The following PSMA1 variants were observed in gnomAD, a reference collection of about 807,000 sequenced individuals.
The protein encoded by PSMA1 is proteasome subunit alpha type-1.
Under a neutral mutation model 38.4 loss-of-function variants are expected in PSMA1, and 3 were observed. The ratio of observed to expected loss-of-function variants is 0.08; its 90% CI spans 0.04 to 0.20. The LOEUF is 0.20. Among genes scored for constraint, PSMA1 ranks in the 10% least tolerant of loss-of-function variants. The probability of loss-of-function intolerance (pLI) is 1.00; values close to 1 mark genes in which losing one functional copy is unlikely to be tolerated. For missense variants in PSMA1, 227 were observed against 325.3 expected (o/e 0.70, Z 2.32); for synonymous variants, 101 against 107.1 (o/e 0.94, Z 0.35).
At chr11:14,631,242 T>A (rs540600558) in intron 1 of PSMA1, among the ~76,000 whole-genome samples, 20 of 152,344 alleles carry the variant, frequency 1.3e-4, no homozygotes, top group African/African-American at 4.6e-4. Context: ...TTTCTAGTTC[T>A]TTTAATTGTG....
intron 1 of PSMA1, among the ~76,000 whole-genome samples, chr11:14,624,120 T>C (rs377297731): frequency 5.3e-5 from 8 of 152,278 alleles, no homozygotes; most frequent in South Asian, 4.1e-4. Context: ...CTATATCTTC[T>C]ACAACAAAAT....
At chr11:14,628,556 C>G (rs1223791488) in intron 1 of PSMA1, among the ~76,000 whole-genome samples, 11 of 150,480 alleles carry the variant, frequency 7.3e-5, no homozygotes, top group African/African-American at 2.4e-4. Flanking sequence ...TTTCTTCATC[C>G]AGTCTATCAT....
intron 2 of PSMA1, among the ~76,000 whole-genome samples, chr11:14,568,274 C>A (rs1852097595): frequency 6.6e-6 from 1 of 152,334 alleles, no homozygotes; most frequent in Admixed American, 6.5e-5. Context: ...ACCATGCTAC[C>A]TTTCAGAAGA....
At chr11:14,545,549 G>T (rs1439834364) in intron 2 of PSMA1, among the ~76,000 whole-genome samples, 1 of 152,200 alleles carries the variant, frequency 6.6e-6, no homozygotes, top group Non-Finnish European at 1.5e-5. Context: ...ACTTAGAAGT[G>T]AGAACATGCG....
intron 1 of PSMA1, among the ~76,000 whole-genome samples, chr11:14,630,258 T>C (rs1281291915): frequency 6.6e-6 from 1 of 152,198 alleles, no homozygotes; most frequent in Admixed American, 6.5e-5. Context: ...TCAAAGGGAA[T>C]GCTTCCAGTT....
chr11:14,618,416 C>T (rs937319647), intron 1 of PSMA1, among the ~76,000 whole-genome samples: 1 of 152,146 alleles, frequency 6.6e-6, no homozygotes, highest in East Asian at 1.9e-4. Flanking sequence ...ATGGTCACTT[C>T]AAAAATGAAT....
At chr11:14,613,297 G>C (rs930088906) in intron 1 of PSMA1, among the ~76,000 whole-genome samples, 3 of 140,408 alleles carry the variant, frequency 2.1e-5, no homozygotes, top group Admixed American at 2.1e-4. Context: ...TGGTGCCCAG[G>C]CTGGACTGCA....
At chr11:14,513,452 T>TA in intron 7 of PSMA1, 118 bp downstream of exon 7, 5 of 1,136,844 alleles carry the variant, frequency 4.4e-6, no homozygotes, top group East Asian at 3.1e-5. Context: ...ATAATTTTTT[T>TA]TAAAAAAATT....
rs1202624597 is a variant in PSMA1 at position 14,505,039 on chromosome 11, G to A, written c.*153C>T. On this transcript the variant is annotated 3_prime_UTR_variant, in exon 10 of 10. Coordinates refer to ENST00000396394, the MANE Select transcript of PSMA1 (RefSeq NM_002786.4). ...ATTCCATTATATAGGTTTCAGTGAG[G>A]TTGCTTGGAAAAAACTCACATCTGG... 1.4e-5 allele frequency: 10 copies of A among 701,146 alleles called. No individual in the cohort carries two copies. Among genetic ancestry groups the A allele is most frequent in the Non-Finnish European group, 2.5e-5 (10 of 392,834 alleles). 43.4% of individuals were successfully genotyped at this position (701,146 alleles called of 1,614,324 possible).
chr11:14,615,290 C>A (rs2134200583), intron 1 of PSMA1, among the ~76,000 whole-genome samples: 1 of 152,326 alleles, frequency 6.6e-6, no homozygotes, highest in Admixed American at 6.5e-5. Context: ...TTGCTGGCCA[C>A]TTGAGATCCC....
intron 2 of PSMA1, among the ~76,000 whole-genome samples, chr11:14,568,024 T>C (rs1453481956): frequency 6.6e-6 from 1 of 152,216 alleles, no homozygotes; most frequent in Non-Finnish European, 1.5e-5. Context: ...AGGTTATGTA[T>C]TGATTGGTTG....
At chr11:14,559,727 G>A (rs1851987614) in intron 2 of PSMA1, among the ~76,000 whole-genome samples, 1 of 152,204 alleles carries the variant, frequency 6.6e-6, no homozygotes. Context: ...TCTTTATACA[G>A]TCAAATGCTT....
At chr11:14,628,563 T>C (rs1413133042) in intron 1 of PSMA1, among the ~76,000 whole-genome samples, 2 of 150,446 alleles carry the variant, frequency 1.3e-5, no homozygotes, top group African/African-American at 4.9e-5. Flanking sequence ...ATCCAGTCTA[T>C]CATTGTTGGA....
At chr11:14,567,385 T>A (rs1002152272) in intron 2 of PSMA1, among the ~76,000 whole-genome samples, 1 of 152,242 alleles carries the variant, frequency 6.6e-6, no homozygotes, top group Non-Finnish European at 1.5e-5. Flanking sequence ...GATTTGAGCA[T>A]GGCAGATAAG....
chr11:14,633,819 G>C (rs1853071260), intron 1 of PSMA1, among the ~76,000 whole-genome samples: 3 of 152,214 alleles, frequency 2.0e-5, no homozygotes, highest in African/African-American at 4.8e-5. Flanking sequence ...CTCCGAGCCA[G>C]GTGCGGGATA....
intron 1 of PSMA1, among the ~76,000 whole-genome samples, chr11:14,635,787 T>C (rs533551642): frequency 6.6e-6 from 1 of 152,214 alleles, no homozygotes; most frequent in Non-Finnish European, 1.5e-5. Context: ...AATAACTGTT[T>C]AGTTATTTTA....
At chr11:14,626,467 C>T (rs1054249760) in intron 1 of PSMA1, among the ~76,000 whole-genome samples, 6 of 152,188 alleles carry the variant, frequency 3.9e-5, no homozygotes, top group African/African-American at 1.4e-4. Flanking sequence ...GGTATTTACT[C>T]TCTAGAGCTA....
rs60499933 is a variant in PSMA1, at chr11:14,508,561, C to CAAAAAAAAAAAAAAAAAAAAAAA, written c.625-796_625-795insTTTTTTTTTTTTTTTTTTTTTTT. ...TCCTCTTCCAGTCACCACTCCATCT[C>CAAAAAAAAAAAAAAAAAAAAAAA]AAAAAAAAAAAAAAAACCCAGATTG... On this transcript the variant is annotated intron_variant, in intron 8 of 9. Transcript: ENST00000396394. Among the ~76,000 whole-genome samples the CAAAAAAAAAAAAAAAAAAAAAAA allele has an allele frequency of 2.1e-3, 100 of 47,114 alleles. 23 individuals carry two copies. Among genetic ancestry groups the CAAAAAAAAAAAAAAAAAAAAAAA allele is most frequent in the Admixed American group, 3.8e-3 (9 of 2,380 alleles). The allele number at this position is 47,114 out of a possible 152,430, so 30.9% of individuals were successfully genotyped here.
chr11:14,520,535 G>A (rs1433863511), upstream of PSMA1: 41 of 1,373,242 alleles, frequency 3.0e-5, no homozygotes, highest in Middle Eastern at 5.1e-4. Flanking sequence ...TGAGACTGGC[G>A]GGAAAACCTG....
Sources: allele counts gnomAD v4.1 joint callset (sites outside exome capture counted in the v4.1 genomes callset), GRCh38; gene constraint gnomAD v4.1.1; transcripts MANE v1.5; gene names NCBI Gene and HGNC (gene_info 2026-07-23, HGNC 2026-07-21).